CNBD1: variants seen among roughly 807,000 people sequenced by gnomAD.
The protein encoded by CNBD1 is cyclic nucleotide binding domain containing 1, also known as cyclic nucleotide-binding domain-containing protein 1.
In CNBD1, 71 loss-of-function variants were observed where a neutral mutation model predicts 54.4. That is an observed-to-expected ratio of 1.30 (90% CI 1.08 to 1.59). The LOEUF is 1.59. CNBD1 is among the 40% of genes most tolerant of loss of function. The probability of loss-of-function intolerance (pLI) is 0.00; values close to 1 mark genes in which losing one functional copy is unlikely to be tolerated. For synonymous variants in CNBD1, 182 were observed against 170.7 expected (o/e 1.07, Z -0.51); for missense variants, 659 against 518.0 (o/e 1.27, Z -2.64).
rs535393673 is a variant in CNBD1 at position 87,047,680 on chromosome 8, A to G, written c.431+107926A>G. ...CCTACTGCAAAAGCAAAGTAAGCAA[A>G]ATAATTCCTGCAAGTATGGTGTAGT... On this transcript the variant is annotated intron_variant, in intron 4 of 10. Coordinates refer to ENST00000518476, the MANE Select transcript of CNBD1 (RefSeq NM_173538.3). 7.2e-5 allele frequency among the ~76,000 whole-genome samples: 11 copies of G among 152,326 alleles called. No homozygotes were observed. In the South Asian group the frequency reaches 2.3e-3, roughly 32 times the overall value.
intron 8 of CNBD1, among the ~76,000 whole-genome samples, chr8:87,320,916 C>A (rs1178062274): frequency 1.3e-5 from 2 of 152,098 alleles, no homozygotes; most frequent in Admixed American, 6.6e-5. Context: ...TTTCTGCTAT[C>A]AATATGGCTA....
In CNBD1 at chr8:87,380,997, G is replaced by T. The variant is rs139110948; in HGVS notation, c.1304-1623G>T. Among the ~76,000 whole-genome samples, 811 of 152,060 alleles carry T rather than the reference G, an allele frequency of 5.3e-3. 6 individuals carry two copies. Among genetic ancestry groups the T allele is most frequent in the African/African-American group, 0.018 (768 of 41,522 alleles). On this transcript the variant is annotated intron_variant, in intron 10 of 10. Transcript: ENST00000518476. ...CATTTGTCTTGGCAATGACTTCATG[G>T]ATGTGACACCAAAAGCACAGGCAAC...
intron 4 of CNBD1, among the ~76,000 whole-genome samples, chr8:86,945,954 C>G (rs1029660671): frequency 3.9e-5 from 6 of 152,180 alleles, no homozygotes; most frequent in African/African-American, 1.2e-4. Context: ...TCAGAAAGAA[C>G]TGTGTTCTCA....
chr8:87,173,113 T>A lies in CNBD1; in HGVS notation c.432-32880T>A, dbSNP rs564415829. Among the ~76,000 whole-genome samples the A allele has an allele frequency of 3.3e-5, 5 of 152,336 alleles. No individual in the cohort carries two copies. The South Asian group carries it at 8.3e-4, about 25-fold the overall frequency. On this transcript the variant is annotated intron_variant, in intron 4 of 10. Transcript: ENST00000518476. ...ACCATTATTTTAAACTGGTAACAAC[T>A]TAACATTGCTTGGATAAACATACAA...
At chr8:87,329,967 C>G (rs1314151579) in intron 8 of CNBD1, among the ~76,000 whole-genome samples, 1 of 151,846 alleles carries the variant, frequency 6.6e-6, no homozygotes, top group Non-Finnish European at 1.5e-5. Context: ...TTACCTTGTT[C>G]TTTATCTTAG....
chr8:87,227,880 G>A (rs1392865103), intron 5 of CNBD1, among the ~76,000 whole-genome samples: 83 of 146,742 alleles, frequency 5.7e-4, no homozygotes, highest in South Asian at 1.5e-3. Flanking sequence ...AGGTACACCA[G>A]TCAGACGTAG....
At chr8:87,301,109 T>C (rs954458865) in intron 8 of CNBD1, among the ~76,000 whole-genome samples, 1 of 152,162 alleles carries the variant, frequency 6.6e-6, no homozygotes, top group South Asian at 2.1e-4. Context: ...AAGAGATGGA[T>C]AAATTCCTGG....
chr8:87,019,074 CTATCTA>C lies in CNBD1; in HGVS notation c.431+79324_431+79329del, dbSNP rs1461207306. 1.2e-4 allele frequency among the ~76,000 whole-genome samples: 19 copies of C among 152,116 alleles called. No individual in the cohort carries two copies. The East Asian group carries it at 3.3e-3, about 26-fold the overall frequency. ...CCAATTATGAGTTGTAAAAATAAAT[CTATCTA>C]TATATATTTAATTTTTCAGAACAGT... On this transcript the variant is annotated intron_variant, in intron 4 of 10. Coordinates refer to ENST00000518476, the MANE Select transcript of CNBD1 (RefSeq NM_173538.3).
At chr8:87,424,226 G>A (rs1279698311) in intron 2 of CNBD1, among the ~76,000 whole-genome samples, 1 of 151,902 alleles carries the variant, frequency 6.6e-6, no homozygotes, top group Admixed American at 6.6e-5. Context: ...CAAAATACCA[G>A]CTCCTGGATT....
chr8:87,101,633 A>T (rs1246974749), intron 4 of CNBD1, among the ~76,000 whole-genome samples: 2 of 152,156 alleles, frequency 1.3e-5, no homozygotes, highest in Non-Finnish European at 2.9e-5. Flanking sequence ...GGTTTTATCT[A>T]CCACATTTAT....
intron 5 of CNBD1, among the ~76,000 whole-genome samples, chr8:87,234,012 A>G (rs576284853): frequency 1.3e-5 from 2 of 152,322 alleles, no homozygotes; most frequent in Admixed American, 6.5e-5. Context: ...AGTAGATTTC[A>G]TCTAAAGAAA....
chr8:87,103,868 C>A (rs184316556), intron 4 of CNBD1, among the ~76,000 whole-genome samples: 1 of 152,262 alleles, frequency 6.6e-6, no homozygotes, highest in African/African-American at 2.4e-5. Flanking sequence ...CCTGAAGTCA[C>A]AGACAGTTTG....
At chr8:87,159,703 A>G (rs971296356) in intron 4 of CNBD1, among the ~76,000 whole-genome samples, 4 of 151,678 alleles carry the variant, frequency 2.6e-5, no homozygotes, top group Non-Finnish European at 5.9e-5. Flanking sequence ...TCTGCAGCCA[A>G]CCTAAGGCAA....
intron 2 of CNBD1, among the ~76,000 whole-genome samples, chr8:87,391,235 G>A (rs957733636): frequency 1.3e-5 from 2 of 150,240 alleles, no homozygotes; most frequent in African/African-American, 5.0e-5. Flanking sequence ...AAAACTTAAA[G>A]TATAATAAAA....
At chr8:87,329,158 G>A (rs1325692841) in intron 8 of CNBD1, among the ~76,000 whole-genome samples, 8 of 152,040 alleles carry the variant, frequency 5.3e-5, no homozygotes, top group Non-Finnish European at 1.0e-4. Flanking sequence ...CAGTTGTTCA[G>A]CACTGTTCTT....
intron 10 of CNBD1, among the ~76,000 whole-genome samples, chr8:87,360,027 A>T (rs779889470): frequency 6.6e-6 from 1 of 152,034 alleles, no homozygotes; most frequent in Non-Finnish European, 1.5e-5. Context: ...ATTAATGCTT[A>T]TCTTTCTCCA....
intron 4 of CNBD1, among the ~76,000 whole-genome samples, chr8:86,972,840 T>C (rs1359811667): frequency 6.6e-6 from 1 of 152,182 alleles, no homozygotes; most frequent in East Asian, 1.9e-4. Context: ...GTTATCCTAT[T>C]GCCAAATGCC....
intron 8 of CNBD1, among the ~76,000 whole-genome samples, chr8:87,307,362 A>T (rs920936848): frequency 6.6e-6 from 1 of 152,202 alleles, no homozygotes; most frequent in African/African-American, 2.4e-5. Flanking sequence ...GGCATGGGTC[A>T]TGCTTTGTAG....
At chr8:86,925,954 A>G (rs7013155) in intron 3 of CNBD1, among the ~76,000 whole-genome samples, 80,879 of 151,784 alleles carry the variant, frequency 0.53, 21,783 homozygotes, top group South Asian at 0.6. Context: ...TCCACAGGGT[A>G]AAAGGAACCC....
Sources: gnomAD v4.1 joint callset for allele counts (sites outside exome capture counted in the v4.1 genomes callset) on GRCh38, gnomAD v4.1.1 for gene constraint, MANE v1.5 for transcripts, NCBI Gene and HGNC (gene_info 2026-07-23, HGNC 2026-07-21) for gene names.